ZNF324: variants seen among roughly 807,000 people sequenced by gnomAD.
ZNF324 encodes zinc finger protein 324.
ZNF324 carries 3 observed loss-of-function variants against 10.3 expected under a neutral mutation model. That is an observed-to-expected ratio of 0.29 (90% confidence interval 0.13 to 0.75). The LOEUF is 0.75. Among genes scored for constraint, ZNF324 ranks in the 30% least tolerant of loss-of-function variants. The pLI, the probability that ZNF324 is intolerant of heterozygous loss-of-function variation, is 0.69. For synonymous variants in ZNF324, 430 were observed against 339.5 expected (o/e 1.27, Z -2.93); for missense variants, 763 against 784.4 (o/e 0.97, Z 0.33).
Position 58,473,973 on chromosome 19 carries a change from C to G in ZNF324, c.*1819C>G, listed in dbSNP as rs1268540631. 6.6e-6 allele frequency: 1 copy of G among 152,226 alleles called. No individual in the cohort carries two copies. The highest frequency in any genetic ancestry group is 1.5e-5 in the Non-Finnish European group (1 of 68,074). The allele number at this position is 152,226 out of a possible 1,614,324, so 9.4% of individuals were successfully genotyped here. ...AGAGGGTGTGGCCATGTGTGATGACCCTGCAAGGTTGACTCCAACCAGTGG... is the reference window on the plus strand; with the variant it reads ...AGAGGGTGTGGCCATGTGTGATGACGCTGCAAGGTTGACTCCAACCAGTGG... On this transcript the variant is annotated 3_prime_UTR_variant, in exon 4 of 4. Transcript: ENST00000196482.
chr19:58,472,162 G>A lies in ZNF324; in HGVS notation c.*8G>A. On this transcript the variant is annotated 3_prime_UTR_variant, in exon 4 of 4. Coordinates refer to ENST00000196482, the MANE Select transcript of ZNF324 (RefSeq NM_014347.3). ...CAGCCAGCGGAGGTCTGAGGTCACA[G>A]GTTGCAGCCCTGGCCTTCTGTGAAT... The A allele has an allele frequency of 6.4e-7, 1 of 1,564,974 alleles. No homozygotes were observed. Among genetic ancestry groups the A allele is most frequent in the South Asian group, 1.2e-5 (1 of 86,006 alleles).
At chr19:58,467,661 G>C (rs1312275818) in intron 1 of ZNF324, 4 of 152,212 alleles carry the variant, frequency 2.6e-5, no homozygotes, top group African/African-American at 9.7e-5. Context: ...GCACTGGTGA[G>C]CTCCCGAGTT....
Position 58,471,406 on chromosome 19 carries a change from G to A in ZNF324, c.914G>A (p.Arg305His). 2 of 1,612,796 alleles carry A rather than the reference G, an allele frequency of 1.2e-6. No individual in the cohort carries two copies. Among genetic ancestry groups the A allele is most frequent in the Non-Finnish European group, 8.5e-7 (1 of 1,179,464 alleles). ...ACGTCGCACTTGACGCAGCACCAGCGCATCCACAGCGGCGAGACGCCCTAC... is the reference window on the plus strand; with the variant it reads ...ACGTCGCACTTGACGCAGCACCAGCACATCCACAGCGGCGAGACGCCCTAC... ...SQTSHLTQHQRIHSGETPYAC... is the reference protein window; with the variant it reads ...SQTSHLTQHQHIHSGETPYAC... Residue 305 changes from arginine to histidine, a missense_variant, in exon 4 of 4, where the codon CGC (arginine) becomes CAC (histidine). By Grantham distance (29) the Arg-to-His change is conservative. Coordinates refer to ENST00000196482, the MANE Select transcript of ZNF324 (RefSeq NM_014347.3).
intron 1 of ZNF324, 148 bp from the exon 2 acceptor site, chr19:58,469,032 A>AT (rs201999734): frequency 0.031 from 30,338 of 976,128 alleles, 519 homozygotes; most frequent in Middle Eastern, 0.073. Flanking sequence ...TGCAATTTTT[A>AT]TTTTTTTTAG....
Position 58,472,208 on chromosome 19 carries a change from A to C in ZNF324, c.*54A>C, listed in dbSNP as rs372082006. The C allele has an allele frequency of 6.7e-7, 1 of 1,485,374 alleles. No individual in the cohort carries two copies. Among genetic ancestry groups the C allele is most frequent in the Non-Finnish European group, 9.0e-7 (1 of 1,110,712 alleles). 92.0% of individuals were successfully genotyped at this position (1,485,374 alleles called of 1,614,324 possible). On this transcript the variant is annotated 3_prime_UTR_variant, in exon 4 of 4. Transcript: ENST00000196482. ...TGAATCCCTTCCACAGCTAAAGGGC[A>C]TATGTCCTCTGCAGATCCACAGCAG...
At position 58,474,517 on chromosome 19, in the gene ZNF324, C is replaced by T. The variant is rs1010987490; in HGVS notation, c.*2363C>T. The T allele has an allele frequency of 6.6e-6, 1 of 152,076 alleles. No individual in the cohort carries two copies. The highest frequency in any genetic ancestry group is 6.6e-5 in the Admixed American group (1 of 15,232). 9.4% of individuals were successfully genotyped at this position (152,076 alleles called of 1,614,324 possible). ...GTGCCCCTGTTGTCCCTCAGTTTGT[C>T]CACCCTCCTCCAATCTTCCCCTCCC... On this transcript the variant is annotated 3_prime_UTR_variant, in exon 4 of 4. Coordinates refer to ENST00000196482, the MANE Select transcript of ZNF324 (RefSeq NM_014347.3).
rs2053045149 is a variant in ZNF324 at position 58,472,410 on chromosome 19, G to A, written c.*256G>A. On this transcript the variant is annotated 3_prime_UTR_variant, in exon 4 of 4. Transcript: ENST00000196482. ...GGTGGCTGAACTCTAGTGGGGCCGAGACTATTCAGAGCCAGTAGGAGGCCG... is the reference window on the plus strand; with the variant it reads ...GGTGGCTGAACTCTAGTGGGGCCGAAACTATTCAGAGCCAGTAGGAGGCCG... The A allele has an allele frequency of 9.5e-6, 5 of 527,350 alleles. No homozygotes were observed. Among genetic ancestry groups the A allele is most frequent in the African/African-American group, 5.7e-5 (3 of 52,966 alleles). The allele number at this position is 527,350 out of a possible 1,614,324, so 32.7% of individuals were successfully genotyped here.
At position 58,472,077 on chromosome 19, in the gene ZNF324, G is replaced by T. The variant is rs749115951; in HGVS notation, c.1585G>T (p.Glu529Ter). 6 of 1,602,812 alleles carry T rather than the reference G, an allele frequency of 3.7e-6. No individual in the cohort carries two copies. Among genetic ancestry groups the T allele is most frequent in the South Asian group, 2.2e-5 (2 of 91,012 alleles). Residue 529 changes from glutamate to a stop codon, truncating the protein, a stop_gained, in exon 4 of 4, where the codon GAA becomes TAA. Transcript: ENST00000196482. LOFTEE classifies it low-confidence loss of function (END_TRUNC). ...QARSVAGASS[E>*]GAPAKETEPT... Reference sequence around the variant, plus strand: ...CAGGTCTGTTGCCGGGGCATCATCAGAAGGTGCGCCAGCGAAGGAAACCGA... The same window carrying T: ...CAGGTCTGTTGCCGGGGCATCATCATAAGGTGCGCCAGCGAAGGAAACCGA...
At chr19:58,468,530 C>T (rs1004792712) in intron 1 of ZNF324, among the ~76,000 whole-genome samples, 2 of 152,104 alleles carry the variant, frequency 1.3e-5, no homozygotes, top group African/African-American at 4.8e-5. Flanking sequence ...GTCAGGCAAG[C>T]AGGCTCAGCA....
intron 1 of ZNF324, chr19:58,467,688 T>A (rs1286225966): frequency 6.6e-6 from 1 of 152,066 alleles, no homozygotes; most frequent in Non-Finnish European, 1.5e-5. Context: ...GCCAGGGGGC[T>A]GAGGTCCCGA....
rs924193759 is a variant in ZNF324, at chr19:58,473,468, C to T, written c.*1314C>T. On this transcript the variant is annotated 3_prime_UTR_variant, in exon 4 of 4. Coordinates refer to ENST00000196482, the MANE Select transcript of ZNF324 (RefSeq NM_014347.3). ...AACTCAGAGTAGGTGTTGCAGTTTCCTGTACAGCAGTTTGGACCTCCAGAG... is the reference window on the plus strand; with the variant it reads ...AACTCAGAGTAGGTGTTGCAGTTTCTTGTACAGCAGTTTGGACCTCCAGAG... The T allele has an allele frequency of 6.6e-6, 1 of 151,248 alleles. No homozygotes were observed. 9.4% of individuals were successfully genotyped at this position (151,248 alleles called of 1,614,324 possible).
Position 58,474,499 on chromosome 19 carries a change from T to C in ZNF324, c.*2345T>C, listed in dbSNP as rs3794971. On this transcript the variant is annotated 3_prime_UTR_variant, in exon 4 of 4. Coordinates refer to ENST00000196482, the MANE Select transcript of ZNF324 (RefSeq NM_014347.3). The stretch of plus-strand genomic sequence containing the variant: ...TCCTTTCCACGTCTGCTTGTGCCCC[T>C]GTTGTCCCTCAGTTTGTCCACCCTC... The C allele has an allele frequency of 0.17, 25,182 of 151,884 alleles. 2,223 individuals are homozygous for C. Among genetic ancestry groups the C allele is most frequent in the Non-Finnish European group, 0.19 (12,751 of 68,022 alleles). 9.4% of individuals were successfully genotyped at this position (151,884 alleles called of 1,614,324 possible). A position where few individuals can be genotyped will look rare whatever the true frequency, so the allele number is the denominator to read the frequency against.
rs1366775635 is a variant in ZNF324, at chr19:58,469,197, G to A, written c.12G>A (p.Glu4=). 5 of 1,614,208 alleles carry A rather than the reference G, an allele frequency of 3.1e-6. No homozygotes were observed. The East Asian group carries it at 1.1e-4, about 36-fold the overall frequency. ...TCTTTTAGGACCAGATGGCCTTTGA[G>A]GATGTGGCTGTGTACTTCTCCCAGG... is the stretch of plus-strand genomic sequence containing the variant. MAF[E]DVAVYFSQEE... Residue 4 remains glutamate, a synonymous_variant, in exon 2 of 4, where the codon GAG becomes GAA. Coordinates refer to ENST00000196482, the MANE Select transcript of ZNF324 (RefSeq NM_014347.3).
intron 3 of ZNF324, chr19:58,470,505 G>T: frequency 1.5e-6 from 1 of 653,012 alleles, no homozygotes. Flanking sequence ...TGGGTGTCGG[G>T]GGGCTGCCAC....
Position 58,471,190 on chromosome 19 carries a change from G to C in ZNF324, c.698G>C (p.Arg233Thr), listed in dbSNP as rs2053028996. The change falls in exon 4 of 4, where the codon AGA (arginine) becomes ACA (threonine). Residue 233 changes from arginine (R) to threonine (T), a missense_variant. Physicochemically the swap from Arg to Thr is moderately conservative, Grantham distance 71. Coordinates refer to ENST00000196482, the MANE Select transcript of ZNF324 (RefSeq NM_014347.3). The part of the protein sequence containing the change: ...RMGAVWQEPH[R>T]LLGGQEPSTW... ...GGTGCAGTTTGGCAGGAGCCTCATA[G>C]ACTCCTCGGTGGCCAGGAGCCCTCG... 6.2e-7 allele frequency: 1 copy of C among 1,613,292 alleles called. No homozygotes were observed. The highest frequency in any genetic ancestry group is 1.3e-5 in the African/African-American group (1 of 74,932).
intron 2 of ZNF324, 95 bp downstream of exon 2, chr19:58,469,401 T>C (rs957298873): frequency 2.1e-5 from 31 of 1,508,306 alleles, no homozygotes; most frequent in Non-Finnish European, 2.5e-5. Context: ...CGAGCAGGCC[T>C]ATACCTTGCA....
At chr19:58,467,420 G>A (rs1231463351) in intron 1 of ZNF324, 1 of 152,234 alleles carries the variant, frequency 6.6e-6, no homozygotes, top group Non-Finnish European at 1.5e-5. Context: ...GCGGCCCCGG[G>A]ACGCTGCTGG....
chr19:58,470,948 C>T lies in ZNF324; in HGVS notation c.456C>T (p.Gly152=). ...IYWERLLLGS[G]SGQASVSLRL... is the part of the protein sequence containing the mutation. Reference sequence around the variant, plus strand: ...GGGAGAGGCTCCTGCTAGGCTCAGGCAGTGGGCAAGCCAGCGTCAGCCTGC... The same window carrying T: ...GGGAGAGGCTCCTGCTAGGCTCAGGTAGTGGGCAAGCCAGCGTCAGCCTGC... Residue 152 remains glycine (G), a synonymous_variant, in exon 4 of 4, where the codon GGC becomes GGT. Transcript: ENST00000196482. 1 of 1,614,220 alleles carries T rather than the reference C, an allele frequency of 6.2e-7. No individual in the cohort carries two copies. The highest frequency in any genetic ancestry group is 8.5e-7 in the Non-Finnish European group (1 of 1,180,050).
At position 58,472,160 on chromosome 19, in the gene ZNF324, C is replaced by T. The variant is rs747900691; in HGVS notation, c.*6C>T. ...CGCAGCCAGCGGAGGTCTGAGGTCA[C>T]AGGTTGCAGCCCTGGCCTTCTGTGA... On this transcript the variant is annotated 3_prime_UTR_variant, in exon 4 of 4. Coordinates refer to ENST00000196482, the MANE Select transcript of ZNF324 (RefSeq NM_014347.3). The T allele has an allele frequency of 1.3e-6, 2 of 1,565,662 alleles. No individual in the cohort carries two copies. The highest frequency in any genetic ancestry group is 1.7e-6 in the Non-Finnish European group (2 of 1,157,128).
Sources: gnomAD v4.1 joint callset for allele counts (sites outside exome capture counted in the v4.1 genomes callset) on GRCh38, gnomAD v4.1.1 for gene constraint, MANE v1.5 for transcripts, NCBI Gene and HGNC (gene_info 2026-07-23, HGNC 2026-07-21) for gene names.